The following GALNT16 variants were observed in gnomAD, a reference collection of about 807,000 sequenced individuals.
GALNT16 encodes the protein UDP-GalNAc:polypeptide N-acetylgalactosaminyltransferase-like protein 1.
Under a neutral mutation model 76.1 loss-of-function variants are expected in GALNT16, and 40 were observed. The observed-to-expected ratio is 0.53, with a 90% CI of 0.41 to 0.68. GALNT16 has a LOEUF of 0.68. Ranked by LOEUF, GALNT16 falls within the 30% of genes least tolerant of loss-of-function variation. The pLI is 0.00. For synonymous variants in GALNT16, 276 were observed against 285.2 expected (o/e 0.97, Z 0.32); for missense variants, 621 against 731.9 (o/e 0.85, Z 1.75).
intron 1 of GALNT16, among the ~76,000 whole-genome samples, chr14:69,316,737 G>A (rs369959272): frequency 3.0e-5 from 4 of 132,480 alleles, no homozygotes; most frequent in African/African-American, 5.8e-5. Context: ...CCCAGAGAGC[G>A]CCTCAGGCCA....
intron 9 of GALNT16, among the ~76,000 whole-genome samples, chr14:69,336,711 T>C (rs796645979): frequency 6.6e-6 from 1 of 151,988 alleles, no homozygotes; most frequent in African/African-American, 2.4e-5. Context: ...TTTTTTATTT[T>C]TATTTTTTTC....
At chr14:69,312,093 CTATCTATCTA>C (rs2045034169) in intron 1 of GALNT16, among the ~76,000 whole-genome samples, 1 of 148,330 alleles carries the variant, frequency 6.7e-6, no homozygotes, top group Non-Finnish European at 1.5e-5. Flanking sequence ...ATCTATCTAT[CTATCTATCTA>C]TATCTATCTA....
chr14:69,285,242 G>A (rs960720068), intron 1 of GALNT16, among the ~76,000 whole-genome samples: 70 of 152,028 alleles, frequency 4.6e-4, no homozygotes, highest in African/African-American at 1.5e-3. Flanking sequence ...GGGTTTCACC[G>A]TGTTAGCCAG....
intron 5 of GALNT16, among the ~76,000 whole-genome samples, chr14:69,327,273 G>A (rs1020880939): frequency 6.6e-6 from 1 of 152,116 alleles, no homozygotes; most frequent in Non-Finnish European, 1.5e-5. Flanking sequence ...TCACTTGAAC[G>A]CTTGAACCCA....
intron 9 of GALNT16, among the ~76,000 whole-genome samples, chr14:69,334,961 C>T (rs2045398609): frequency 6.6e-6 from 1 of 152,148 alleles, no homozygotes; most frequent in Admixed American, 6.5e-5. Flanking sequence ...CTGCTTCCTT[C>T]TTCTTCCTGA....
In GALNT16 at chr14:69,338,703, C is replaced by T; in HGVS notation, c.1020C>T (p.Cys340=). 6.2e-7 allele frequency: 1 copy of T among 1,613,932 alleles called. No individual in the cohort carries two copies. The highest frequency in any genetic ancestry group is 8.5e-7 in the Non-Finnish European group (1 of 1,179,884). ...GTGGCAGTCTGGAGATCGTCCCCTG[C>T]AGCCGGGTGGGCCATGTCTTCAGGA... ...MCGGSLEIVP[C]SRVGHVFRKR... is the part of the protein sequence containing the mutation. The change falls in exon 10 of 15, where the codon TGC becomes TGT. Residue 340 remains cysteine (C), a synonymous_variant. Transcript: ENST00000448469.
At chr14:69,326,851 G>T (rs1441921705) in intron 5 of GALNT16, among the ~76,000 whole-genome samples, 5 of 152,208 alleles carry the variant, frequency 3.3e-5, no homozygotes, top group African/African-American at 9.7e-5. Flanking sequence ...TTTGCCCAGG[G>T]TGATGAATAG....
chr14:69,336,466 T>A (rs1566885922), intron 9 of GALNT16, among the ~76,000 whole-genome samples: 1 of 152,208 alleles, frequency 6.6e-6, no homozygotes, highest in South Asian at 2.1e-4. Context: ...GACCTGCCCT[T>A]GCCGGCTCCT....
Position 69,347,122 on chromosome 14 carries a change from G to A in GALNT16, c.1354G>A (p.Asp452Asn), listed in dbSNP as rs2045575823. 2.5e-6 allele frequency: 4 copies of A among 1,613,914 alleles called. No individual in the cohort carries two copies. The highest frequency in any genetic ancestry group is 3.4e-6 in the Non-Finnish European group (4 of 1,179,874). Residue 452 changes from aspartate to asparagine, a missense_variant, in exon 13 of 15, where the codon GAC becomes AAC. Coordinates refer to ENST00000448469, the MANE Select transcript of GALNT16 (RefSeq NM_001168368.2). ...ATCTCAGGGCCAGAACACAGCTGGT[G>A]ACTTCCTGCTTGGAATGGGGATCTG... ...LESQGQNTAG[D>N]FLLGMGICRG...
At chr14:69,295,665 A>G (rs1001942687) in intron 1 of GALNT16, among the ~76,000 whole-genome samples, 1 of 152,186 alleles carries the variant, frequency 6.6e-6, no homozygotes, top group Non-Finnish European at 1.5e-5. Context: ...GGTTACAGTG[A>G]GCTGAGATCG....
At chr14:69,332,323 A>ATT (rs2140179697) in intron 7 of GALNT16, among the ~76,000 whole-genome samples, 1 of 152,336 alleles carries the variant, frequency 6.6e-6, no homozygotes, top group African/African-American at 2.4e-5. Context: ...AGTACAGTAG[A>ATT]TAATAGTCAC....
Sources: gnomAD v4.1 joint callset for allele counts (sites outside exome capture counted in the v4.1 genomes callset) on GRCh38, gnomAD v4.1.1 for gene constraint, MANE v1.5 for transcripts, NCBI Gene and HGNC (gene_info 2026-07-23, HGNC 2026-07-21) for gene names.